DENND1C: variants seen among roughly 807,000 people sequenced by gnomAD.
DENND1C encodes the protein DENN domain containing 1C.
DENND1C carries 64 observed loss-of-function variants against 87.9 expected under a neutral mutation model. The ratio of observed to expected loss-of-function variants is 0.73; its 90% CI spans 0.60 to 0.90. The LOEUF is 0.90. DENND1C is among the 40% of genes least tolerant of loss of function. The pLI is 0.00. For missense variants in DENND1C, 980 were observed against 1,037.0 expected (o/e 0.95, Z 0.76); for synonymous variants, 384 against 424.4 (o/e 0.90, Z 1.17).
At chr19:6,480,275 G>A in intron 1 of DENND1C, 1 of 1,431,776 alleles carries the variant, frequency 7.0e-7, no homozygotes, top group South Asian at 1.4e-5. Flanking sequence ...GTGTGACTGT[G>A]TGTGTGTGGC....
Position 6,477,400 on chromosome 19 carries a change from T to C in DENND1C, c.425A>G (p.Gln142Arg). 6.2e-7 allele frequency: 1 copy of C among 1,612,952 alleles called. No individual in the cohort carries two copies. The highest frequency in any genetic ancestry group is 8.5e-7 in the Non-Finnish European group (1 of 1,179,610). Residue 142 changes from glutamine to arginine, a missense_variant, in exon 7 of 23, where the codon CAG (glutamine) becomes CGG (arginine). Coordinates refer to ENST00000381480, the MANE Select transcript of DENND1C (RefSeq NM_024898.4). Reference protein sequence around the residue: ...NLFQQSLSGPQASVGLELGSG... With the variant: ...NLFQQSLSGPRASVGLELGSG... Reference sequence around the variant, plus strand: ...CACCAGCTCAAGCCCCACTGAGGCCTGGGGCCCAGACAGGGACTGCTGAAA... The same window carrying C: ...CACCAGCTCAAGCCCCACTGAGGCCCGGGGCCCAGACAGGGACTGCTGAAA...
chr19:6,469,040 T>TTG (rs2092813582), intron 19 of DENND1C, 87 bp from the exon 20 acceptor site: 2 of 818,840 alleles, frequency 2.4e-6, no homozygotes, highest in Admixed American at 3.9e-5. Context: ...TCTTTTTTTT[T>TTG]TTTTGTTTGA....
Position 6,470,376 on chromosome 19 carries a change from A to G in DENND1C, c.1291-10T>C, listed in dbSNP as rs778011358. 1.5e-5 allele frequency: 24 copies of G among 1,611,462 alleles called. No homozygotes were observed. Among genetic ancestry groups the G allele is most frequent in the Non-Finnish European group, 2.0e-5 (23 of 1,179,006 alleles). ...GGGCGCCACCACCTTTCTGCGGGAG[A>G]GAAGATACCAAGGGGGAGAGGCTAG... is the stretch of plus-strand genomic sequence containing the variant. On this transcript the variant is annotated splice_polypyrimidine_tract_variant and intron_variant, in intron 17 of 22. Coordinates refer to ENST00000381480, the MANE Select transcript of DENND1C (RefSeq NM_024898.4).
At chr19:6,480,233 T>C (rs1599394047) in intron 1 of DENND1C, 182 bp from the exon 2 acceptor site, 2 of 1,459,342 alleles carry the variant, frequency 1.4e-6, no homozygotes, top group Non-Finnish European at 1.8e-6. Flanking sequence ...GCAGTGTTAA[T>C]TGAACACACA....
chr19:6,471,197 C>T lies in DENND1C; in HGVS notation c.1290+68G>A, dbSNP rs377615461. 1.1e-4 allele frequency: 176 copies of T among 1,544,266 alleles called. No homozygotes were observed. The African/African-American group carries it at 2.1e-3, about 18-fold the overall frequency. ...CTGGTCGCAGCAATCCTTCTATCTC[C>T]ACCTCCTAATGTGTTGGGATTACAG... On this transcript the variant is annotated intron_variant, in intron 17 of 22. Coordinates refer to ENST00000381480, the MANE Select transcript of DENND1C (RefSeq NM_024898.4).
At chr19:6,475,631 C>T (rs758768710) in intron 12 of DENND1C, 46 bp from the exon 13 acceptor site, 2 of 1,613,416 alleles carry the variant, frequency 1.2e-6, no homozygotes, top group Non-Finnish European at 1.7e-6. Flanking sequence ...GAGTCCTTGG[C>T]AGAGGAGGGC....
chr19:6,476,751 C>T (rs1475407953), intron 10 of DENND1C, 106 bp downstream of exon 10: 1 of 1,162,050 alleles, frequency 8.6e-7, no homozygotes, highest in Non-Finnish European at 1.2e-6. Flanking sequence ...ACTTCGCCCT[C>T]GGGTCTCGCG....
chr19:6,477,220 G>A lies in DENND1C; in HGVS notation c.511C>T (p.Pro171Ser). 6.3e-7 allele frequency: 1 copy of A among 1,586,268 alleles called. No homozygotes were observed. Among genetic ancestry groups the A allele is most frequent in the Non-Finnish European group, 8.6e-7 (1 of 1,166,366 alleles). Residue 171 changes from proline to serine, a missense_variant and splice_region_variant, in exon 8 of 23, where the codon CCG (proline) becomes TCG (serine). Physicochemically the swap from Pro to Ser is moderately conservative, Grantham distance 74 (BLOSUM62 -1). Transcript: ENST00000381480. ...CAGGGTCCCCGAGCCCCGCTCACCGGCTTGCTATTCCCCCGGGTAGGGGGG... is the reference window on the plus strand; with the variant it reads ...CAGGGTCCCCGAGCCCCGCTCACCGACTTGCTATTCCCCCGGGTAGGGGGG... ...IPPPTRGNSK[P>S]LSCFVAPDSG...
chr19:6,475,704 A>G lies in DENND1C; in HGVS notation c.825+2T>C, dbSNP rs2145199635. The stretch of plus-strand genomic sequence containing the variant: ...CCGTCGTCTGGGTAGATCCACGCTC[A>G]CCTCGGCGAGACTGGCGTGCACTCC... On this transcript the variant is annotated splice_donor_variant, in intron 12 of 22. Coordinates refer to ENST00000381480, the MANE Select transcript of DENND1C (RefSeq NM_024898.4). LOFTEE classifies it high-confidence loss of function. 1 of 1,593,378 alleles carries G rather than the reference A, an allele frequency of 6.3e-7. No homozygotes were observed. Among genetic ancestry groups the G allele is most frequent in the South Asian group, 1.1e-5 (1 of 89,012 alleles).
chr19:6,481,415 A>AG lies in DENND1C; in HGVS notation c.17+263dup, dbSNP rs529429006. The stretch of plus-strand genomic sequence containing the variant: ...CAGACATACCAAGGACAAAGCTCAG[A>AG]GGGGTACATGCATTCACAGAGCTAT... On this transcript the variant is annotated intron_variant, in intron 1 of 22. Transcript: ENST00000381480. 1.1e-4 allele frequency among the ~76,000 whole-genome samples: 16 copies of AG among 152,014 alleles called. No homozygotes were observed. In the East Asian group the frequency reaches 3.1e-3, roughly 30 times the overall value.
intron 18 of DENND1C, chr19:6,469,960 C>T (rs2092818419): frequency 2.2e-6 from 1 of 456,540 alleles, no homozygotes; most frequent in East Asian, 3.7e-5. Flanking sequence ...CCCCAGGAAA[C>T]TTCTGAGCTT....
In DENND1C at chr19:6,480,953, G is replaced by C. The variant is rs773756516; in HGVS notation, c.17+726C>G. ...GATGTGAGTGTGTGTGCCCGAGCAA[G>C]TGAATGACATCTATATTTTCCTGTA... On this transcript the variant is annotated intron_variant, in intron 1 of 22. Coordinates refer to ENST00000381480, the MANE Select transcript of DENND1C (RefSeq NM_024898.4). Among the ~76,000 whole-genome samples the C allele has an allele frequency of 1.4e-4, 21 of 151,798 alleles. 1 individual carries two copies. Among genetic ancestry groups the C allele is most frequent in the Non-Finnish European group, 2.4e-4 (16 of 67,982 alleles).
Position 6,475,901 on chromosome 19 carries a change from A to C in DENND1C, c.715T>G (p.Tyr239Asp). 6.4e-7 allele frequency: 1 copy of C among 1,572,378 alleles called. No homozygotes were observed. The stretch of plus-strand genomic sequence containing the variant: ...AGCACGTGCTCCCAGCGCATGGGGT[A>C]CAGGAGCGCGCAGGACGCGTGGACG... ...SCVHASCALL[Y>D]PMRWEHVLIP... is the part of the protein sequence containing the mutation. The change falls in exon 11 of 23, where the codon TAC becomes GAC. Residue 239 changes from tyrosine (Y) to aspartate (D), a missense_variant. Coordinates refer to ENST00000381480, the MANE Select transcript of DENND1C (RefSeq NM_024898.4).
intron 14 of DENND1C, among the ~76,000 whole-genome samples, chr19:6,473,402 C>G (rs2092840133): frequency 6.6e-6 from 1 of 151,594 alleles, no homozygotes. Context: ...ATCCACCCAC[C>G]TCGGCCTCCC....
chr19:6,469,453 A>T, intron 19 of DENND1C, 143 bp downstream of exon 19: 1 of 784,976 alleles, frequency 1.3e-6, no homozygotes, highest in Non-Finnish European at 2.1e-6. Context: ...GATAATTTTT[A>T]ACTATTTTTT....
intron 10 of DENND1C, 159 bp downstream of exon 10, chr19:6,476,698 C>T (rs930161274): frequency 2.8e-6 from 2 of 710,396 alleles, no homozygotes; most frequent in East Asian, 2.8e-5. Context: ...GAGGGCGGGG[C>T]CAGAGTTCAA....
chr19:6,475,902 C>G lies in DENND1C; in HGVS notation c.714G>C (p.Leu238=), dbSNP rs943962794. 9.6e-6 allele frequency: 15 copies of G among 1,569,806 alleles called. No individual in the cohort carries two copies. Among genetic ancestry groups the G allele is most frequent in the African/African-American group, 1.4e-5 (1 of 73,534 alleles). The change falls in exon 11 of 23, where the codon CTG becomes CTC. Residue 238 remains leucine (L), a synonymous_variant. Transcript: ENST00000381480. ...GCACGTGCTCCCAGCGCATGGGGTA[C>G]AGGAGCGCGCAGGACGCGTGGACGC... ...TSCVHASCAL[L]YPMRWEHVLI... is the part of the protein sequence containing the mutation.
intron 17 of DENND1C, among the ~76,000 whole-genome samples, chr19:6,470,746 C>T (rs1419504805): frequency 4.0e-5 from 6 of 150,912 alleles, no homozygotes; most frequent in Non-Finnish European, 5.9e-5. Flanking sequence ...CTCAGCTTCC[C>T]GAGTAGCTGG....
At chr19:6,477,860 C>T (rs2092872091) in intron 6 of DENND1C, among the ~76,000 whole-genome samples, 1 of 149,528 alleles carries the variant, frequency 6.7e-6, no homozygotes, top group South Asian at 2.1e-4. Flanking sequence ...GGCCAGGAGT[C>T]CGTGTCCAGC....
Sources: allele counts gnomAD v4.1 joint callset (sites outside exome capture counted in the v4.1 genomes callset), GRCh38; gene constraint gnomAD v4.1.1; transcripts MANE v1.5; gene names NCBI Gene and HGNC (gene_info 2026-07-23, HGNC 2026-07-21).